Variants in COL28A1 observed in about 807,000 individuals in gnomAD.
The protein encoded by COL28A1 is collagen type XXVIII alpha 1 chain, also known as collagen alpha-1(XXVIII) chain.
Under a neutral mutation model 150.2 loss-of-function variants are expected in COL28A1, and 161 were observed. The ratio of observed to expected loss-of-function variants is 1.07; its 90% CI spans 0.94 to 1.22. COL28A1 has a LOEUF of 1.22. Among genes scored for constraint, COL28A1 ranks in the 50% most tolerant of loss-of-function variants. The pLI is 0.00. For synonymous variants in COL28A1, 552 were observed against 469.7 expected, an observed-to-expected ratio of 1.18 and a Z score of -2.26; for missense variants, 1,617 against 1,388.3, an observed-to-expected ratio of 1.16 and a Z score of -2.62.
At chr7:7,356,594 C>CA (rs770397129), downstream of COL28A1, 4 of 147,862 alleles carry the variant, frequency 2.7e-5, no homozygotes, top group Non-Finnish European at 6.0e-5. Context: ...GTCACAAGGA[C>CA]AAAAAACCAA....
chr7:7,508,958 C>T (rs1430038055), intron 9 of COL28A1, among the ~76,000 whole-genome samples: 4 of 152,112 alleles, frequency 2.6e-5, no homozygotes, highest in South Asian at 2.1e-4. Context: ...TCCAGCCTCC[C>T]GAGTAGCTGA....
At chr7:7,415,627 G>T (rs1183303463) in intron 27 of COL28A1, among the ~76,000 whole-genome samples, 2 of 152,298 alleles carry the variant, frequency 1.3e-5, no homozygotes, top group African/African-American at 4.8e-5. Context: ...TCCGCCTCCA[G>T]GATTCAAGCG....
chr7:7,461,741 T>C (rs1787643665), intron 15 of COL28A1, among the ~76,000 whole-genome samples: 1 of 151,986 alleles, frequency 6.6e-6, no homozygotes, highest in Admixed American at 6.6e-5. Flanking sequence ...CCCACCCAAG[T>C]AGAAGTAGAG....
intron 27 of COL28A1, among the ~76,000 whole-genome samples, chr7:7,391,534 T>C (rs1428818955): frequency 6.6e-6 from 1 of 152,210 alleles, no homozygotes; most frequent in Non-Finnish European, 1.5e-5. Context: ...AATATCCTTG[T>C]TAATTTTCTG....
At chr7:7,471,445 A>G (rs929791309) in intron 15 of COL28A1, among the ~76,000 whole-genome samples, 3 of 152,222 alleles carry the variant, frequency 2.0e-5, no homozygotes, top group Admixed American at 6.5e-5. Context: ...AATATCCCTC[A>G]TGAACATATA....
In COL28A1 at chr7:7,373,289, C is replaced by T. The variant is rs780245300; in HGVS notation, c.2617G>A (p.Glu873Lys). The T allele has an allele frequency of 6.2e-7, 1 of 1,614,138 alleles. No individual in the cohort carries two copies. The highest frequency in any genetic ancestry group is 8.5e-7 in the Non-Finnish European group (1 of 1,180,026). ...LAVDNMQYLG[E>K]GTYTATALQA... ...AGAGCAGTGGCTGTGTATGTGCCTT[C>T]CCCCAGATACTGCATGTTGTCCACA... The change falls in exon 32 of 35, where the codon GAA becomes AAA. Residue 873 changes from glutamate (E) to lysine (K), a missense_variant. Transcript: ENST00000399429. The surrounding 1 kb of genome is among the most constrained non-coding windows in gnomAD (Gnocchi z 4.1).
chr7:7,510,257 A>C (rs184693769), intron 9 of COL28A1, among the ~76,000 whole-genome samples: 2 of 152,058 alleles, frequency 1.3e-5, no homozygotes, highest in Admixed American at 1.3e-4. Context: ...ATTATTTCCA[A>C]ATTTAAGTGC....
rs952028537 is a variant in COL28A1, at chr7:7,464,298, C to G, written c.1303-8186G>C. Among the ~76,000 whole-genome samples, 3 of 152,166 alleles carry G rather than the reference C, an allele frequency of 2.0e-5. No individual in the cohort carries two copies. In the East Asian group the frequency reaches 5.8e-4, roughly 29 times the overall value. On this transcript the variant is annotated intron_variant, in intron 15 of 34. Coordinates refer to ENST00000399429, the MANE Select transcript of COL28A1 (RefSeq NM_001037763.3). Reference sequence around the variant, plus strand: ...AGAAATAATGGATTTAAACTATACCCTGGAACAAACGGACTTAACAGATAC... The same window carrying G: ...AGAAATAATGGATTTAAACTATACCGTGGAACAAACGGACTTAACAGATAC...
chr7:7,524,204 A>G, intron 4 of COL28A1, 25 bp downstream of exon 4: 2 of 1,119,196 alleles, frequency 1.8e-6, no homozygotes, highest in Non-Finnish European at 2.7e-6. Context: ...AGTAATTCGT[A>G]GTAATCAAAG....
intron 11 of COL28A1, among the ~76,000 whole-genome samples, chr7:7,500,731 G>T (rs964941582): frequency 6.6e-6 from 1 of 151,830 alleles, no homozygotes; most frequent in Non-Finnish European, 1.5e-5. Context: ...TTAAGTTCAG[G>T]GTCTGTACAT....
intron 8 of COL28A1, among the ~76,000 whole-genome samples, chr7:7,513,444 G>A (rs191998538): frequency 6.6e-6 from 1 of 152,314 alleles, no homozygotes; most frequent in African/African-American, 2.4e-5. Context: ...CAGGCATCAG[G>A]AGCAGGAAAG....
intron 8 of COL28A1, among the ~76,000 whole-genome samples, chr7:7,512,242 G>A (rs1440258085): frequency 2.0e-5 from 3 of 152,082 alleles, no homozygotes; most frequent in African/African-American, 7.2e-5. Flanking sequence ...TTGGCCAAAG[G>A]ATACAAAACT....
At chr7:7,479,282 A>G (rs1789202885) in intron 13 of COL28A1, among the ~76,000 whole-genome samples, 1 of 152,228 alleles carries the variant, frequency 6.6e-6, no homozygotes, top group Non-Finnish European at 1.5e-5. Flanking sequence ...ACGAAGAATA[A>G]TACTCCCATT....
intron 25 of COL28A1, among the ~76,000 whole-genome samples, chr7:7,425,306 C>T (rs1004268062): frequency 3.3e-5 from 5 of 152,144 alleles, no homozygotes; most frequent in Admixed American, 6.5e-5. Context: ...AGATGCAAGA[C>T]GCTAACTTTT....
At position 7,376,694 on chromosome 7, in the gene COL28A1, T is replaced by C. The variant is rs1363901753; in HGVS notation, c.2323-1197A>G. ...TAGAAAGGGGAAATATATGTATTTA[T>C]ATATTTATGTTTAATTTTTTATAAA... On this transcript the variant is annotated intron_variant, in intron 30 of 34. Transcript: ENST00000399429. 2.1e-5 allele frequency among the ~76,000 whole-genome samples: 3 copies of C among 144,518 alleles called. No homozygotes were observed. The East Asian group carries it at 6.2e-4, about 30-fold the overall frequency. 94.8% of individuals were successfully genotyped at this position (144,518 alleles called of 152,430 possible).
rs773354981 is a variant in COL28A1 at position 7,458,631 on chromosome 7, G to A, written c.1303-2519C>T. Among the ~76,000 whole-genome samples, 51 of 152,196 alleles carry A rather than the reference G, an allele frequency of 3.4e-4. 1 individual carries two copies. The highest frequency in any genetic ancestry group is 6.6e-4 in the Non-Finnish European group (45 of 68,018). Reference sequence around the variant, plus strand: ...GGAATCCAGTTCTGGCTCAGAGCTGGACTATTTTGATTCAGAACTTGATTT... The same window carrying A: ...GGAATCCAGTTCTGGCTCAGAGCTGAACTATTTTGATTCAGAACTTGATTT... On this transcript the variant is annotated intron_variant, in intron 15 of 34. Transcript: ENST00000399429.
chr7:7,440,914 C>A, intron 20 of COL28A1, 53 bp from the exon 21 acceptor site: 1 of 865,888 alleles, frequency 1.2e-6, no homozygotes, highest in East Asian at 2.4e-5. Context: ...AGCAACCTCC[C>A]CTAATCTAGC....
chr7:7,535,376 GA>G (rs1782587132), intron 1 of COL28A1, among the ~76,000 whole-genome samples: 1 of 152,010 alleles, frequency 6.6e-6, no homozygotes, highest in African/African-American at 2.4e-5. Flanking sequence ...TACACAAATA[GA>G]AAATGATTGA....
At chr7:7,432,825 T>C (rs1785073728) in intron 23 of COL28A1, 125 bp from the exon 24 acceptor site, 1 of 693,902 alleles carries the variant, frequency 1.4e-6, no homozygotes, top group Non-Finnish European at 2.6e-6. Flanking sequence ...GAAAATGACT[T>C]ATTGCTAGTA....
Sources: allele counts gnomAD v4.1 joint callset (sites outside exome capture counted in the v4.1 genomes callset), GRCh38; gene constraint gnomAD v4.1.1; non-coding constraint Gnocchi (gnomAD v3.1); transcripts MANE v1.5; gene names NCBI Gene and HGNC (gene_info 2026-07-23, HGNC 2026-07-21).